The following SCAPER variants were observed in gnomAD, a reference collection of about 807,000 sequenced individuals.
SCAPER encodes S-phase cyclin A associated protein in the ER.
Under a neutral mutation model 182.2 loss-of-function variants are expected in SCAPER, and 98 were observed. That is an observed-to-expected ratio of 0.54 (90% CI 0.46 to 0.64). The LOEUF (loss-of-function observed/expected upper bound fraction) is 0.64. Ranked by LOEUF, SCAPER falls within the 30% of genes least tolerant of loss-of-function variation. The probability of loss-of-function intolerance (pLI) is 0.00; values close to 1 mark genes in which losing one functional copy is unlikely to be tolerated. For missense variants in SCAPER, 1,432 were observed against 1,690.0 expected (o/e 0.85, Z 2.68); for synonymous variants, 605 against 564.6 (o/e 1.07, Z -1.01).
chr15:76,521,886 C>A (rs8039601), intron 23 of SCAPER, among the ~76,000 whole-genome samples: 11,636 of 152,162 alleles, frequency 0.076, 502 homozygotes, highest in Middle Eastern at 0.11. Context: ...ATGAACTCAG[C>A]AGTCTTATCG....
At chr15:76,380,749 T>C (rs558634699) in intron 28 of SCAPER, 9 of 152,210 alleles carry the variant, frequency 5.9e-5, no homozygotes, top group African/African-American at 1.9e-4. Context: ...AAAATCTGTT[T>C]CCAGGCTGAC....
intron 25 of SCAPER, among the ~76,000 whole-genome samples, chr15:76,434,931 G>A (rs1482400844): frequency 6.6e-6 from 1 of 152,172 alleles, no homozygotes; most frequent in African/African-American, 2.4e-5. Context: ...TATCTCCCTA[G>A]CTCCCAGGAC....
chr15:76,351,852 G>GA (rs750440512), intron 30 of SCAPER, among the ~76,000 whole-genome samples: 6 of 152,010 alleles, frequency 3.9e-5, no homozygotes, highest in Non-Finnish European at 7.4e-5. Context: ...ATTATTTATA[G>GA]AAAAACACTT....
At chr15:76,840,267 A>T (rs1212368605) in intron 5 of SCAPER, among the ~76,000 whole-genome samples, 2 of 152,062 alleles carry the variant, frequency 1.3e-5, no homozygotes, top group African/African-American at 4.8e-5. Context: ...AAATTTTTTT[A>T]AAATTAGCCA....
At chr15:76,372,708 A>G (rs2042266754) in intron 29 of SCAPER, among the ~76,000 whole-genome samples, 1 of 152,238 alleles carries the variant, frequency 6.6e-6, no homozygotes, top group Non-Finnish European at 1.5e-5. Flanking sequence ...CACCTCTTTC[A>G]AAGGCAGTAG....
intron 22 of SCAPER, among the ~76,000 whole-genome samples, chr15:76,607,192 G>A (rs1031053877): frequency 2.0e-5 from 3 of 152,194 alleles, no homozygotes; most frequent in African/African-American, 4.8e-5. Context: ...TCCTTCAGGA[G>A]CTCTTTTAGG....
At chr15:76,654,483 C>G (rs1458069988) in intron 21 of SCAPER, among the ~76,000 whole-genome samples, 1 of 152,104 alleles carries the variant, frequency 6.6e-6, no homozygotes, top group Non-Finnish European at 1.5e-5. Context: ...ACAACAGATT[C>G]TGGTGAGGCT....
At chr15:76,626,142 G>T (rs1377406808) in intron 21 of SCAPER, among the ~76,000 whole-genome samples, 1 of 152,050 alleles carries the variant, frequency 6.6e-6, no homozygotes, top group Non-Finnish European at 1.5e-5. Context: ...TCACTTCTCG[G>T]TTGAATGCCA....
intron 26 of SCAPER, among the ~76,000 whole-genome samples, chr15:76,409,094 T>C (rs2045084839): frequency 6.6e-6 from 1 of 152,196 alleles, no homozygotes; most frequent in Non-Finnish European, 1.5e-5. Context: ...ATGTCTTGAC[T>C]GCATGGACAA....
chr15:76,433,287 C>T (rs1358860783), intron 26 of SCAPER, among the ~76,000 whole-genome samples: 4 of 152,118 alleles, frequency 2.6e-5, no homozygotes, highest in African/African-American at 9.7e-5. Context: ...GCGGGTGGGT[C>T]ATTTGTGGTC....
chr15:76,565,422 T>A (rs1181318233), intron 23 of SCAPER, among the ~76,000 whole-genome samples: 2 of 152,034 alleles, frequency 1.3e-5, no homozygotes, highest in Non-Finnish European at 2.9e-5. Context: ...AATCATTTTT[T>A]AAAAAGTTCC....
intron 24 of SCAPER, among the ~76,000 whole-genome samples, chr15:76,484,193 TGAGGGAACCTTAAATGCA>T (rs1479456712): frequency 6.6e-6 from 1 of 152,132 alleles, no homozygotes; most frequent in Non-Finnish European, 1.5e-5. Flanking sequence ...CAGAGAGACA[TGAGGGAACCTTAAATGCA>T]TATTGCTAAG....
chr15:76,729,277 CACACATATATATACACAT>C (rs1394577118), intron 16 of SCAPER, among the ~76,000 whole-genome samples: 2 of 132,830 alleles, frequency 1.5e-5, no homozygotes, highest in Non-Finnish European at 3.1e-5. Flanking sequence ...TATACACACA[CACACATATATATACACAT>C]ACACACACAC....
intron 15 of SCAPER, among the ~76,000 whole-genome samples, chr15:76,742,596 A>C (rs1344488063): frequency 2.0e-5 from 3 of 152,018 alleles, no homozygotes; most frequent in Non-Finnish European, 4.4e-5. Flanking sequence ...TAGACTATTA[A>C]ATAATGGACT....
chr15:76,465,687 A>G (rs976729647), intron 25 of SCAPER, among the ~76,000 whole-genome samples: 25 of 151,992 alleles, frequency 1.6e-4, no homozygotes, highest in Non-Finnish European at 3.5e-4. Flanking sequence ...TTTAATTTGG[A>G]GTTTTTTTAG....
Position 76,484,854 on chromosome 15 carries a change from C to T in SCAPER, c.2955-13519G>A, listed in dbSNP as rs1028316969. ...AGAAAAGGCTTTTGATAAAGTTCAACATCCATTCATGTTAAAAACCTCAAT... is the reference window on the plus strand; with the variant it reads ...AGAAAAGGCTTTTGATAAAGTTCAATATCCATTCATGTTAAAAACCTCAAT... On this transcript the variant is annotated intron_variant, in intron 24 of 31. Coordinates refer to ENST00000563290, the MANE Select transcript of SCAPER (RefSeq NM_020843.4). 1.2e-4 allele frequency among the ~76,000 whole-genome samples: 7 copies of T among 59,208 alleles called. No homozygotes were observed. In the Admixed American group the frequency reaches 1.6e-3, roughly 13 times the overall value. 38.8% of individuals were successfully genotyped at this position (59,208 alleles called of 152,430 possible).
intron 21 of SCAPER, among the ~76,000 whole-genome samples, chr15:76,630,778 T>G (rs975668830): frequency 8.5e-5 from 13 of 152,212 alleles, no homozygotes; most frequent in African/African-American, 3.1e-4. Context: ...TCTGTTGTTT[T>G]GGGGTAGAGA....
At chr15:76,472,516 C>T (rs1045619498) in intron 24 of SCAPER, among the ~76,000 whole-genome samples, 51 of 152,278 alleles carry the variant, frequency 3.3e-4, no homozygotes, top group Non-Finnish European at 7.4e-4. Flanking sequence ...CATGAACCTG[C>T]CACCATGCAC....
At chr15:76,572,145 T>C (rs182628840) in intron 23 of SCAPER, among the ~76,000 whole-genome samples, 3 of 152,286 alleles carry the variant, frequency 2.0e-5, no homozygotes, top group Admixed American at 1.3e-4. Context: ...GAAATAACTT[T>C]AGGTAAATTT....
Sources: allele counts gnomAD v4.1 joint callset (sites outside exome capture counted in the v4.1 genomes callset), GRCh38; gene constraint gnomAD v4.1.1; transcripts MANE v1.5; gene names NCBI Gene and HGNC (gene_info 2026-07-23, HGNC 2026-07-21).